STIM1: variants seen among roughly 807,000 people sequenced by gnomAD.
The protein encoded by STIM1 is stromal interaction molecule 1.
A neutral mutation model predicts 74.7 loss-of-function variants in STIM1; 25 were observed. The observed-to-expected ratio is 0.33, with a 90% confidence interval of 0.24 to 0.47. The LOEUF (loss-of-function observed/expected upper bound fraction) is 0.47, where lower values mean the gene tolerates loss of function less well. STIM1 is among the 20% of genes least tolerant of loss of function. The pLI is 1.00. For missense variants in STIM1, 728 were observed against 920.8 expected (o/e 0.79, Z 2.71); for synonymous variants, 328 against 348.8 (o/e 0.94, Z 0.66).
intron 2 of STIM1, among the ~76,000 whole-genome samples, chr11:3,990,789 T>G (rs2093603105): frequency 6.6e-6 from 1 of 152,248 alleles, no homozygotes; most frequent in Non-Finnish European, 1.5e-5. Context: ...CTCATTTATT[T>G]TATTTTTTAT....
At chr11:4,058,372 A>G (rs2094306818) in intron 4 of STIM1, among the ~76,000 whole-genome samples, 1 of 152,200 alleles carries the variant, frequency 6.6e-6, no homozygotes, top group African/African-American at 2.4e-5. Flanking sequence ...CAGAGAAGGA[A>G]GTAGCTGTTC....
intron 1 of STIM1, among the ~76,000 whole-genome samples, chr11:3,884,022 A>G (rs1590524608): frequency 6.6e-6 from 1 of 152,168 alleles, no homozygotes; most frequent in East Asian, 1.9e-4. Context: ...AATGCTTGGT[A>G]ATCATAAGTG....
intron 5 of STIM1, among the ~76,000 whole-genome samples, chr11:4,063,493 A>G (rs1269814723): frequency 6.6e-6 from 1 of 152,242 alleles, no homozygotes; most frequent in Non-Finnish European, 1.5e-5. Flanking sequence ...AAATTAAGGC[A>G]CGCACACTGT....
At chr11:3,972,528 G>C (rs1305985601) in intron 2 of STIM1, among the ~76,000 whole-genome samples, 2 of 151,772 alleles carry the variant, frequency 1.3e-5, no homozygotes, top group African/African-American at 4.8e-5. Flanking sequence ...TCAACAGCAT[G>C]AGTAAAAAAA....
intron 2 of STIM1, among the ~76,000 whole-genome samples, chr11:3,979,946 A>G (rs1476825244): frequency 6.6e-6 from 1 of 152,110 alleles, no homozygotes; most frequent in Non-Finnish European, 1.5e-5. Context: ...TGCCAGCTTC[A>G]TTTTATATGA....
intron 3 of STIM1, among the ~76,000 whole-genome samples, chr11:4,045,038 C>T (rs1300042565): frequency 2.0e-5 from 3 of 152,174 alleles, no homozygotes; most frequent in Non-Finnish European, 2.9e-5. Context: ...TCTAGAGTGA[C>T]TTCTGCCTGT....
intron 3 of STIM1, among the ~76,000 whole-genome samples, chr11:4,049,936 A>T (rs2094226454): frequency 6.6e-6 from 1 of 152,188 alleles, no homozygotes; most frequent in Non-Finnish European, 1.5e-5. Context: ...GATGAAGATT[A>T]GTGAGTTAAT....
chr11:3,908,505 G>A (rs1009283210), intron 1 of STIM1, among the ~76,000 whole-genome samples: 7 of 151,956 alleles, frequency 4.6e-5, no homozygotes, highest in African/African-American at 1.7e-4. Flanking sequence ...CCAGCTACCT[G>A]GGAGGCTGAG....
rs2090349211 is a variant in STIM1 at position 3,855,950 on chromosome 11, G to A, written c.-321G>A. On this transcript the variant is annotated 5_prime_UTR_variant, in exon 1 of 13. Transcript: ENST00000526596. ...GCGGAGACTCCGGCCGCCCCCTTCCGCAGGGGTGTAGTAATCTGCGGAGCT... is the reference window on the plus strand; with the variant it reads ...GCGGAGACTCCGGCCGCCCCCTTCCACAGGGGTGTAGTAATCTGCGGAGCT... The A allele has an allele frequency of 2.8e-6, 1 of 363,532 alleles. No individual in the cohort carries two copies. The highest frequency in any genetic ancestry group is 5.2e-6 in the Non-Finnish European group (1 of 190,750). 22.5% of individuals were successfully genotyped at this position (363,532 alleles called of 1,614,324 possible). A position where few individuals can be genotyped will look rare whatever the true frequency, so the allele number is the denominator to read the frequency against.
chr11:3,867,439 T>C (rs1441518460), intron 1 of STIM1: 2 of 152,230 alleles, frequency 1.3e-5, no homozygotes, highest in Non-Finnish European at 2.9e-5. Context: ...CACATGGGTT[T>C]ACCTCAGGTC....
chr11:3,872,837 A>G (rs1238052021), intron 1 of STIM1, among the ~76,000 whole-genome samples: 2 of 151,836 alleles, frequency 1.3e-5, no homozygotes, highest in Admixed American at 1.3e-4. Context: ...CTCCATTTTC[A>G]TATGTGCCAT....
intron 1 of STIM1, among the ~76,000 whole-genome samples, chr11:3,877,175 G>T (rs1373997209): frequency 6.6e-6 from 1 of 152,114 alleles, no homozygotes; most frequent in Admixed American, 6.5e-5. Context: ...AAAGCAGTTA[G>T]AGCTACCTGG....
intron 1 of STIM1, among the ~76,000 whole-genome samples, chr11:3,944,720 C>T (rs1400106093): frequency 6.6e-6 from 1 of 152,198 alleles, no homozygotes; most frequent in Non-Finnish European, 1.5e-5. Context: ...TGCCTGACTC[C>T]TTGAATTGTA....
intron 1 of STIM1, among the ~76,000 whole-genome samples, chr11:3,942,747 T>A (rs528777722): frequency 6.6e-6 from 1 of 152,346 alleles, no homozygotes; most frequent in South Asian, 2.1e-4. Flanking sequence ...TTGAACTGGA[T>A]CATTTCTCAT....
At chr11:3,883,115 A>G (rs2091578439) in intron 1 of STIM1, among the ~76,000 whole-genome samples, 1 of 152,132 alleles carries the variant, frequency 6.6e-6, no homozygotes, top group African/African-American at 2.4e-5. Flanking sequence ...TGACTTAAAA[A>G]TCACCCACTA....
chr11:3,912,546 A>G (rs532839735), intron 1 of STIM1, among the ~76,000 whole-genome samples: 20 of 151,906 alleles, frequency 1.3e-4, no homozygotes, highest in Non-Finnish European at 2.6e-4. Flanking sequence ...TTGTATTTTT[A>G]GTAGAGATGG....
chr11:4,005,125 A>G (rs528154975), intron 2 of STIM1, among the ~76,000 whole-genome samples: 12 of 152,364 alleles, frequency 7.9e-5, no homozygotes, highest in African/African-American at 2.6e-4. Context: ...ACACTTTTAC[A>G]CTGTTGGTGG....
intron 1 of STIM1, among the ~76,000 whole-genome samples, chr11:3,918,533 C>CAAAAA (rs551060009): frequency 8.5e-6 from 1 of 117,224 alleles, no homozygotes; most frequent in African/African-American, 3.2e-5. Flanking sequence ...GACACTGTCT[C>CAAAAA]AAAAAAAAAA....
At chr11:4,030,300 C>G (rs2094038267) in intron 3 of STIM1, among the ~76,000 whole-genome samples, 1 of 146,502 alleles carries the variant, frequency 6.8e-6, no homozygotes, top group East Asian at 2.0e-4. Flanking sequence ...TCACTCCAGC[C>G]TGGGTGAAAG....
Sources: gnomAD v4.1 joint callset for allele counts (sites outside exome capture counted in the v4.1 genomes callset) on GRCh38, gnomAD v4.1.1 for gene constraint, MANE v1.5 for transcripts, NCBI Gene and HGNC (gene_info 2026-07-23, HGNC 2026-07-21) for gene names.